Variants in MOV10L1 observed in about 807,000 individuals in gnomAD.
MOV10L1 encodes RNA helicase Mov10l1.
In MOV10L1, 110 loss-of-function variants were observed where a neutral mutation model predicts 143.8. That is an observed-to-expected ratio of 0.76 (90% confidence interval 0.66 to 0.90). MOV10L1 has a LOEUF of 0.90. Ranked by LOEUF, MOV10L1 falls within the 40% of genes least tolerant of loss-of-function variation. The probability of loss-of-function intolerance (pLI) is 0.00; values close to 1 mark genes in which losing one functional copy is unlikely to be tolerated. For synonymous variants in MOV10L1, 593 were observed against 581.1 expected, an observed-to-expected ratio of 1.02 and a Z score of -0.29; for missense variants, 1,406 against 1,526.8, an observed-to-expected ratio of 0.92 and a Z score of 1.32.
chr22:50,114,359 A>T, intron 6 of MOV10L1, 22 bp from the exon 7 acceptor site: 1 of 1,609,664 alleles, frequency 6.2e-7, no homozygotes, highest in Non-Finnish European at 8.5e-7. Flanking sequence ...GGCTGTGTTC[A>T]TAGTTAATTG....
At position 50,126,188 on chromosome 22, in the gene MOV10L1, T is replaced by A. The variant is rs1163420003; in HGVS notation, c.1748-14T>A. 6.7e-7 allele frequency: 1 copy of A among 1,498,042 alleles called. No homozygotes were observed. The highest frequency in any genetic ancestry group is 1.8e-5 in the Admixed American group (1 of 56,756). 92.8% of individuals were successfully genotyped at this position (1,498,042 alleles called of 1,614,324 possible). On this transcript the variant is annotated splice_polypyrimidine_tract_variant and intron_variant, in intron 11 of 26. Transcript: ENST00000262794. ...TGTGTTAGCTTTAAACATGGTAATA[T>A]ATTTTTTAACTAGGTGATAAACTGA... is the stretch of plus-strand genomic sequence containing the variant.
chr22:50,092,182 C>G lies in MOV10L1; in HGVS notation c.279C>G (p.Ile93Met). The G allele has an allele frequency of 6.2e-7, 1 of 1,612,878 alleles. No homozygotes were observed. The highest frequency in any genetic ancestry group is 8.5e-7 in the Non-Finnish European group (1 of 1,179,446). Residue 93 changes from isoleucine to methionine, a missense_variant, in exon 2 of 27, where the codon ATC becomes ATG. Ile to Met is a conservative substitution (Grantham distance 10, BLOSUM62 1). This residue lies in a region of MOV10L1 where 166 missense variants were observed against 153.9 expected (regional missense o/e 1.08). Coordinates refer to ENST00000262794, the MANE Select transcript of MOV10L1 (RefSeq NM_018995.3). ...ENKVSNGLKA[I>M]RVEAVSDKWE... The stretch of plus-strand genomic sequence containing the variant: ...AAGTGTCCAATGGACTGAAAGCAAT[C>G]AGGGTAAGGTTTGAGTTCATTTGGG...
intron 10 of MOV10L1, among the ~76,000 whole-genome samples, chr22:50,122,409 A>G (rs1447982688): frequency 6.6e-6 from 1 of 152,198 alleles, no homozygotes; most frequent in Non-Finnish European, 1.5e-5. Flanking sequence ...GTACCCTGCT[A>G]CTTTGCTGAA....
intron 20 of MOV10L1, 126 bp from the exon 21 acceptor site, chr22:50,150,609 C>T (rs1464096882): frequency 9.2e-7 from 1 of 1,081,674 alleles, no homozygotes; most frequent in Non-Finnish European, 1.3e-6. Flanking sequence ...CCCAGTCCCT[C>T]CCGTCGTCCC....
chr22:50,138,049 A>T (rs1025928945), intron 15 of MOV10L1, among the ~76,000 whole-genome samples: 4 of 152,104 alleles, frequency 2.6e-5, no homozygotes, highest in Non-Finnish European at 5.9e-5. Context: ...ATGGCAGTAG[A>T]CTTGGAAAAA....
At chr22:50,116,428 C>T (rs1291326604) in intron 8 of MOV10L1, among the ~76,000 whole-genome samples, 3 of 138,336 alleles carry the variant, frequency 2.2e-5, no homozygotes, top group Admixed American at 1.6e-4. Flanking sequence ...GGCTGGGTGA[C>T]AGAGCGAGAC....
intron 8 of MOV10L1, among the ~76,000 whole-genome samples, chr22:50,115,944 C>T (rs374515022): frequency 4.6e-5 from 7 of 152,314 alleles, no homozygotes; most frequent in African/African-American, 1.7e-4. Flanking sequence ...TGCCAGACGC[C>T]AACCTTGAGC....
chr22:50,144,169 C>T lies in MOV10L1; in HGVS notation c.2431C>T (p.Leu811=), dbSNP rs368031631. Residue 811 remains leucine (L), a synonymous_variant, in exon 18 of 27, where the codon CTG becomes TTG. Coordinates refer to ENST00000262794, the MANE Select transcript of MOV10L1 (RefSeq NM_018995.3). Reference sequence around the variant, plus strand: ...CAACAGTGCTGCTGACCTCGTGTGTCTGCGGCTGCACGAGAGCAAGGTGCT... The same window carrying T: ...CAACAGTGCTGCTGACCTCGTGTGTTTGCGGCTGCACGAGAGCAAGGTGCT... ...PSNSAADLVC[L]RLHESKVLQP... The T allele has an allele frequency of 4.8e-5, 78 of 1,613,324 alleles. No individual in the cohort carries two copies. Among genetic ancestry groups the T allele is most frequent in the Admixed American group, 1.3e-4 (8 of 60,006 alleles).
In MOV10L1 at chr22:50,152,519, A is replaced by G. The variant is rs975937499; in HGVS notation, c.2893-526A>G. On this transcript the variant is annotated intron_variant, in intron 21 of 26. Coordinates refer to ENST00000262794, the MANE Select transcript of MOV10L1 (RefSeq NM_018995.3). This position sits in a 1 kb window ranked among gnomAD's most constrained non-coding sequence, Gnocchi z 4.4. ...GTGTCCCATGTACTGGTGATATCAC[A>G]GTCACCCTCAGCCGCATCAGTGAAG... Among the ~76,000 whole-genome samples, 2 of 152,160 alleles carry G rather than the reference A, an allele frequency of 1.3e-5. No homozygotes were observed. Among genetic ancestry groups the G allele is most frequent in the Non-Finnish European group, 2.9e-5 (2 of 68,014 alleles).
intron 2 of MOV10L1, among the ~76,000 whole-genome samples, chr22:50,096,637 C>G (rs1444772483): frequency 6.6e-6 from 1 of 152,182 alleles, no homozygotes; most frequent in Non-Finnish European, 1.5e-5. Context: ...CCAACACTTG[C>G]TATTTTCTTT....
chr22:50,101,627 T>C (rs1246166907), intron 3 of MOV10L1, among the ~76,000 whole-genome samples: 3 of 151,890 alleles, frequency 2.0e-5, no homozygotes, highest in African/African-American at 7.3e-5. Context: ...TTCTCTTGCC[T>C]CAGCTTCCTG....
intron 10 of MOV10L1, 42 bp from the exon 11 acceptor site, chr22:50,125,350 G>T: frequency 6.3e-7 from 1 of 1,588,334 alleles, no homozygotes; most frequent in East Asian, 2.2e-5. Flanking sequence ...CCAGAGTGCT[G>T]CTGAGCTGTT....
At chr22:50,143,780 G>T (rs2063057258) in intron 17 of MOV10L1, among the ~76,000 whole-genome samples, 4 of 152,216 alleles carry the variant, frequency 2.6e-5, no homozygotes, top group Admixed American at 6.5e-5. Context: ...CGTCATTCAG[G>T]ATTCAAATTA....
chr22:50,095,241 G>A (rs1371444980), intron 2 of MOV10L1: 2 of 152,078 alleles, frequency 1.3e-5, no homozygotes, highest in Admixed American at 6.5e-5. Flanking sequence ...GCTCTTCTGG[G>A]TTTCTGTTTC....
intron 6 of MOV10L1, 128 bp downstream of exon 6, chr22:50,113,916 T>TC (rs1166105433): frequency 1.4e-6 from 1 of 698,838 alleles, no homozygotes; most frequent in Non-Finnish European, 1.9e-6. Flanking sequence ...TCTTTTCTTT[T>TC]TTTTTTTTTT....
At chr22:50,117,986 A>T (rs190373960) in intron 9 of MOV10L1, among the ~76,000 whole-genome samples, 141 of 152,208 alleles carry the variant, frequency 9.3e-4, no homozygotes, top group African/African-American at 3.2e-3. Flanking sequence ...GTGTGATGTG[A>T]CTTTTCCTCC....
intron 10 of MOV10L1, among the ~76,000 whole-genome samples, chr22:50,123,775 C>T (rs1477062808): frequency 6.6e-6 from 1 of 152,162 alleles, no homozygotes; most frequent in Non-Finnish European, 1.5e-5. Flanking sequence ...GCTATGGAGC[C>T]ATCAGGTCCT....
chr22:50,125,837 G>A (rs1454240141), intron 11 of MOV10L1, among the ~76,000 whole-genome samples: 2 of 151,740 alleles, frequency 1.3e-5, no homozygotes, highest in African/African-American at 4.8e-5. Flanking sequence ...GCCCAGGCTG[G>A]AGTGCAGTGG....
chr22:50,113,665 A>T lies in MOV10L1; in HGVS notation c.761A>T (p.His254Leu), dbSNP rs375039795. Residue 254 changes from histidine (H) to leucine (L), a missense_variant, in exon 6 of 27, where the codon CAT becomes CTT. By Grantham distance (99) the His-to-Leu change is moderately conservative. Coordinates refer to ENST00000262794, the MANE Select transcript of MOV10L1 (RefSeq NM_018995.3). ...LVKRRDAAPV[H>L]EATHFYGTIL... ...TTTTTCAGAGACGCCGCCCCTGTTC[A>T]TGAGGCCACTCATTTCTATGGAACG... 3.7e-6 allele frequency: 6 copies of T among 1,613,794 alleles called. No homozygotes were observed. The highest frequency in any genetic ancestry group is 5.1e-6 in the Non-Finnish European group (6 of 1,179,936).
Sources: allele counts gnomAD v4.1 joint callset (sites outside exome capture counted in the v4.1 genomes callset), GRCh38; gene constraint gnomAD v4.1.1; regional missense constraint gnomAD v4.1.1; non-coding constraint Gnocchi (gnomAD v3.1); transcripts MANE v1.5; gene names NCBI Gene and HGNC (gene_info 2026-07-23, HGNC 2026-07-21).